The following HIP1 variants were observed in gnomAD, a reference collection of about 807,000 sequenced individuals.
The protein encoded by HIP1 is huntingtin-interacting protein 1.
A neutral mutation model predicts 147.6 loss-of-function variants in HIP1; 65 were observed. The observed-to-expected ratio is 0.44, with a 90% CI of 0.36 to 0.54. HIP1 has a LOEUF of 0.54. Ranked by LOEUF, HIP1 falls within the 20% of genes least tolerant of loss-of-function variation. The pLI is 0.00. For synonymous variants in HIP1, 479 were observed against 504.0 expected (o/e 0.95, Z 0.67); for missense variants, 1,061 against 1,299.6 (o/e 0.82, Z 2.82).
intron 7 of HIP1, among the ~76,000 whole-genome samples, chr7:75,574,282 G>A (rs1401050624): frequency 6.6e-6 from 1 of 150,562 alleles, no homozygotes; most frequent in Non-Finnish European, 1.5e-5. Flanking sequence ...GCAAAACTCA[G>A]TCTCGAAAAA....
intron 2 of HIP1, among the ~76,000 whole-genome samples, chr7:75,593,748 C>T (rs1359270154): frequency 2.0e-5 from 3 of 152,012 alleles, no homozygotes; most frequent in Non-Finnish European, 2.9e-5. Context: ...CATCTCCCAG[C>T]CCCTTTCCAT....
intron 1 of HIP1, among the ~76,000 whole-genome samples, chr7:75,688,442 G>A (rs1216312077): frequency 6.6e-6 from 1 of 152,064 alleles, no homozygotes; most frequent in African/African-American, 2.4e-5. Context: ...GGGGGGATGA[G>A]CTGTCGGTGG....
At chr7:75,661,553 A>T (rs1287274163) in intron 1 of HIP1, among the ~76,000 whole-genome samples, 2 of 146,334 alleles carry the variant, frequency 1.4e-5, no homozygotes, top group Non-Finnish European at 3.0e-5. Context: ...AGCCTGGGCA[A>T]CAGAGCGAGA....
At chr7:75,685,031 C>T (rs1554517442) in intron 1 of HIP1, among the ~76,000 whole-genome samples, 1 of 152,028 alleles carries the variant, frequency 6.6e-6, no homozygotes, top group African/African-American at 2.4e-5. Flanking sequence ...GTGGAGCTTG[C>T]AGTGAGCTGA....
intron 1 of HIP1, among the ~76,000 whole-genome samples, chr7:75,628,366 C>T (rs1040772026): frequency 4.6e-5 from 7 of 152,162 alleles, no homozygotes; most frequent in South Asian, 4.1e-4. Context: ...AATTAGTCAT[C>T]TTGCCTCTGA....
intron 8 of HIP1, among the ~76,000 whole-genome samples, chr7:75,572,227 A>G (rs1316576424): frequency 9.0e-6 from 1 of 111,410 alleles, no homozygotes; most frequent in Non-Finnish European, 1.9e-5. Flanking sequence ...CTGTCTCAGA[A>G]AAAAAAAAAA....
chr7:75,571,443 TC>T (rs1417334532), intron 8 of HIP1, among the ~76,000 whole-genome samples: 1 of 152,104 alleles, frequency 6.6e-6, no homozygotes, highest in Non-Finnish European at 1.5e-5. Flanking sequence ...GGCAGCTAAT[TC>T]CAATCTCCCT....
At position 75,538,239 on chromosome 7, in the gene HIP1, T is replaced by C; in HGVS notation, c.3062-15A>G. The C allele has an allele frequency of 1.2e-6, 2 of 1,608,924 alleles. No homozygotes were observed. Among genetic ancestry groups the C allele is most frequent in the Non-Finnish European group, 1.7e-6 (2 of 1,175,308 alleles). On this transcript the variant is annotated splice_polypyrimidine_tract_variant and intron_variant, in intron 30 of 30. Coordinates refer to ENST00000336926, the MANE Select transcript of HIP1 (RefSeq NM_005338.7). The stretch of plus-strand genomic sequence containing the variant: ...TGCCTCTGTTCCTAAAAGACAATGA[T>C]AATTTATGTTGCAAAGCACTCATGA...
At chr7:75,639,231 A>G (rs1798555766) in intron 1 of HIP1, 1 of 968,214 alleles carries the variant, frequency 1.0e-6, no homozygotes, top group Admixed American at 6.7e-5. Context: ...CCAAGGCTGG[A>G]CCGGAGAAAG....
chr7:75,703,940 G>C (rs1279408699), intron 1 of HIP1, among the ~76,000 whole-genome samples: 1 of 152,172 alleles, frequency 6.6e-6, no homozygotes, highest in Non-Finnish European at 1.5e-5. Context: ...GAAGCCTTTG[G>C]TGAAGAGTCT....
intron 1 of HIP1, among the ~76,000 whole-genome samples, chr7:75,714,061 A>G (rs1422893432): frequency 1.4e-5 from 2 of 147,652 alleles, no homozygotes; most frequent in Non-Finnish European, 3.0e-5. Flanking sequence ...TTTGTTTGAG[A>G]TGGAGTCTCA....
Position 75,556,049 on chromosome 7 carries a change from G to C in HIP1, c.1804C>G (p.Gln602Glu). Residue 602 changes from glutamine (Q) to glutamate (E), a missense_variant, in exon 18 of 31, where the codon CAG (glutamine) becomes GAG (glutamate). Gln to Glu is a conservative substitution (Grantham distance 29, BLOSUM62 2). Around this residue, in one of 3 missense-constraint regions of HIP1, gnomAD observed 810 missense variants for 946.8 expected, o/e 0.86. Coordinates refer to ENST00000336926, the MANE Select transcript of HIP1 (RefSeq NM_005338.7). Reference sequence around the variant, plus strand: ...GCCTCTGTGCTGGCCAGTTTGAGCTGAGTGTCCTGCAGTTCTTTCCGAAGA... The same window carrying C: ...GCCTCTGTGCTGGCCAGTTTGAGCTCAGTGTCCTGCAGTTCTTTCCGAAGA... The part of the protein sequence containing the change: ...SALRKELQDT[Q>E]LKLASTEESM... The C allele has an allele frequency of 6.2e-7, 1 of 1,614,192 alleles. No individual in the cohort carries two copies. The highest frequency in any genetic ancestry group is 8.5e-7 in the Non-Finnish European group (1 of 1,180,036).
At chr7:75,689,476 C>T (rs1436659725) in intron 1 of HIP1, among the ~76,000 whole-genome samples, 2 of 152,042 alleles carry the variant, frequency 1.3e-5, no homozygotes, top group Non-Finnish European at 2.9e-5. Context: ...TGTATTCCAG[C>T]CTGGGCAACA....
chr7:75,691,656 C>T (rs886826972), intron 1 of HIP1, among the ~76,000 whole-genome samples: 4 of 151,672 alleles, frequency 2.6e-5, no homozygotes, highest in African/African-American at 7.3e-5. Flanking sequence ...AAAAATTAGC[C>T]GGGCACCTGT....
intron 1 of HIP1, among the ~76,000 whole-genome samples, chr7:75,602,332 T>TTTTC (rs1554503109): frequency 1.7e-5 from 2 of 116,064 alleles, no homozygotes; most frequent in African/African-American, 3.3e-5. Flanking sequence ...TTTTTTTTTT[T>TTTTC]CAAAAGAGAT....
chr7:75,656,907 A>T (rs1451912301), intron 1 of HIP1, among the ~76,000 whole-genome samples: 2 of 151,940 alleles, frequency 1.3e-5, no homozygotes, highest in Admixed American at 6.6e-5. Context: ...ACATAGTCTG[A>T]CCCCCTGGGA....
intron 1 of HIP1, among the ~76,000 whole-genome samples, chr7:75,664,199 T>C (rs1328485359): frequency 2.8e-5 from 3 of 108,102 alleles, no homozygotes; most frequent in Admixed American, 1.8e-4. Context: ...TATACACACA[T>C]ATACATATGT....
In HIP1 at chr7:75,687,144, T is replaced by A. The variant is rs147405347; in HGVS notation, c.120+51657A>T. On this transcript the variant is annotated intron_variant, in intron 1 of 30. Transcript: ENST00000336926. ...ACAGCACTTGACAGTTTACAAAACA[T>A]CCCTAATGAAAGGTAGTGGAACTTG... Among the ~76,000 whole-genome samples, 469 of 152,276 alleles carry A rather than the reference T, an allele frequency of 3.1e-3. 1 individual carries two copies. The highest frequency in any genetic ancestry group is 5.5e-3 in the Non-Finnish European group (375 of 68,020).
intron 1 of HIP1, among the ~76,000 whole-genome samples, chr7:75,647,211 C>CAAAAAAAAAAAAAAAAAAAAA (rs60972195): frequency 3.4e-5 from 2 of 58,000 alleles, no homozygotes; most frequent in Non-Finnish European, 3.0e-5. Context: ...ACTAAAAATA[C>CAAAAAAAAAAAAAAAAAAAAA]AAAAAAAAAA....
Sources: allele counts gnomAD v4.1 joint callset (sites outside exome capture counted in the v4.1 genomes callset), GRCh38; gene constraint gnomAD v4.1.1; regional missense constraint gnomAD v4.1.1; transcripts MANE v1.5; gene names NCBI Gene and HGNC (gene_info 2026-07-23, HGNC 2026-07-21).